SNTG1: variants seen among roughly 807,000 people sequenced by gnomAD.
The protein encoded by SNTG1 is syntrophin gamma 1.
In SNTG1, 39 loss-of-function variants were observed where a neutral mutation model predicts 74.7. The observed-to-expected ratio is 0.52, with a 90% CI of 0.40 to 0.68. The LOEUF (loss-of-function observed/expected upper bound fraction) is 0.68, where lower values mean the gene tolerates loss of function less well. SNTG1 is among the 30% of genes least tolerant of loss of function. The pLI, the probability that SNTG1 is intolerant of heterozygous loss-of-function variation, is 0.00. For synonymous variants in SNTG1, 254 were observed against 217.1 expected (o/e 1.17, Z -1.49); for missense variants, 685 against 609.5 (o/e 1.12, Z -1.30).
At chr8:50,031,137 T>C (rs1427724882) in intron 1 of SNTG1, among the ~76,000 whole-genome samples, 1 of 152,024 alleles carries the variant, frequency 6.6e-6, no homozygotes, top group African/African-American at 2.4e-5. Context: ...TACTAATACA[T>C]ATAAATACAA....
intron 2 of SNTG1, among the ~76,000 whole-genome samples, chr8:50,261,804 C>G (rs2087205873): frequency 6.6e-6 from 1 of 151,826 alleles, no homozygotes; most frequent in Non-Finnish European, 1.5e-5. Context: ...GGAAAGAAAA[C>G]AGAATCACAT....
intron 2 of SNTG1, among the ~76,000 whole-genome samples, chr8:50,379,308 C>T (rs1171151014): frequency 6.6e-6 from 1 of 152,178 alleles, no homozygotes; most frequent in Admixed American, 6.5e-5. Context: ...GTAGGCACTT[C>T]CTAGCCTATG....
chr8:50,372,872 A>T (rs2092299342), intron 2 of SNTG1, among the ~76,000 whole-genome samples: 1 of 152,200 alleles, frequency 6.6e-6, no homozygotes, highest in African/African-American at 2.4e-5. Context: ...GTATACAAAA[A>T]ATAACCTCAC....
At chr8:50,702,479 G>A (rs2095429538) in intron 15 of SNTG1, among the ~76,000 whole-genome samples, 4 of 152,102 alleles carry the variant, frequency 2.6e-5, no homozygotes. Flanking sequence ...AAGAATGCAA[G>A]CAGGAAACAA....
rs146516458 is a variant in SNTG1 at position 50,417,532 on chromosome 8, T to C, written c.162+15188T>C. Reference sequence around the variant, plus strand: ...CTCCTCTAACAGTGGAGATGTTATATAATTGCCTGCAAGTGGCTCACGTAA... The same window carrying C: ...CTCCTCTAACAGTGGAGATGTTATACAATTGCCTGCAAGTGGCTCACGTAA... On this transcript the variant is annotated intron_variant, in intron 4 of 18. Coordinates refer to ENST00000642720, the MANE Select transcript of SNTG1 (RefSeq NM_018967.5). Among the ~76,000 whole-genome samples, 42 of 152,310 alleles carry C rather than the reference T, an allele frequency of 2.8e-4. 1 individual carries two copies. The East Asian group carries it at 4.6e-3, about 17-fold the overall frequency.
At position 50,448,134 on chromosome 8, in the gene SNTG1, G is replaced by A. The variant is rs1050297393; in HGVS notation, c.220-1534G>A. On this transcript the variant is annotated intron_variant, in intron 5 of 18. Transcript: ENST00000642720. ...ACAAGTGGGAGCCATTGTAACCTAC[G>A]CCAGTAACTTCCCCCACAGAGCTGA... 3.9e-5 allele frequency among the ~76,000 whole-genome samples: 6 copies of A among 152,108 alleles called. No homozygotes were observed. In the South Asian group the frequency reaches 6.2e-4, roughly 16 times the overall value.
At chr8:49,984,521 T>C (rs1279167479) in intron 1 of SNTG1, among the ~76,000 whole-genome samples, 1 of 152,190 alleles carries the variant, frequency 6.6e-6, no homozygotes, top group Non-Finnish European at 1.5e-5. Flanking sequence ...GGGTCAAATA[T>C]AAATTATTTC....
At chr8:50,286,291 A>C (rs1157936646) in intron 2 of SNTG1, among the ~76,000 whole-genome samples, 2 of 152,132 alleles carry the variant, frequency 1.3e-5, no homozygotes, top group East Asian at 3.9e-4. Flanking sequence ...ACTGCTTTCT[A>C]CTGCTGTTTG....
intron 2 of SNTG1, among the ~76,000 whole-genome samples, chr8:50,326,025 T>C (rs1036087985): frequency 6.6e-6 from 1 of 152,070 alleles, no homozygotes; most frequent in Non-Finnish European, 1.5e-5. Flanking sequence ...TATGATAAAT[T>C]ACAATAATTA....
intron 9 of SNTG1, among the ~76,000 whole-genome samples, chr8:50,519,928 GA>G (rs199897469): frequency 1.3e-5 from 2 of 151,140 alleles, no homozygotes; most frequent in East Asian, 1.9e-4. Context: ...CACAGAATTT[GA>G]AAAAAAACTA....
intron 2 of SNTG1, among the ~76,000 whole-genome samples, chr8:50,281,877 T>C (rs2088478718): frequency 6.6e-6 from 1 of 152,174 alleles, no homozygotes; most frequent in African/African-American, 2.4e-5. Context: ...TTATGAGATA[T>C]AGCAAATACA....
At chr8:50,407,839 T>C (rs896595675) in intron 4 of SNTG1, among the ~76,000 whole-genome samples, 2 of 152,196 alleles carry the variant, frequency 1.3e-5, no homozygotes, top group Admixed American at 1.3e-4. Flanking sequence ...GAGTGGGTTG[T>C]ACTGACTGGT....
intron 2 of SNTG1, among the ~76,000 whole-genome samples, chr8:50,202,491 C>G (rs2084025398): frequency 6.6e-6 from 1 of 152,126 alleles, no homozygotes; most frequent in Non-Finnish European, 1.5e-5. Context: ...TAGCAATGTA[C>G]AGTGTTTCCT....
intron 13 of SNTG1, among the ~76,000 whole-genome samples, chr8:50,592,562 A>C (rs1052546591): frequency 6.6e-6 from 1 of 152,218 alleles, no homozygotes; most frequent in African/African-American, 2.4e-5. Context: ...AAGTAAAATA[A>C]GTGAGAATTT....
chr8:50,024,445 A>G (rs1216255640), intron 1 of SNTG1, among the ~76,000 whole-genome samples: 4 of 152,152 alleles, frequency 2.6e-5, no homozygotes, highest in Non-Finnish European at 4.4e-5. Context: ...TTATTTTTAA[A>G]CAAATGAAAA....
At chr8:50,116,964 C>T (rs982768582) in intron 1 of SNTG1, among the ~76,000 whole-genome samples, 5 of 152,058 alleles carry the variant, frequency 3.3e-5, no homozygotes, top group African/African-American at 1.2e-4. Context: ...TTACAGAATA[C>T]CAAAGCTTCT....
At chr8:50,227,213 A>G (rs1430376708) in intron 2 of SNTG1, among the ~76,000 whole-genome samples, 1 of 152,154 alleles carries the variant, frequency 6.6e-6, no homozygotes, top group East Asian at 1.9e-4. Context: ...ACAGACCTAT[A>G]GAAAAAATGA....
chr8:50,093,183 T>A (rs2079803339), intron 1 of SNTG1, among the ~76,000 whole-genome samples: 1 of 152,064 alleles, frequency 6.6e-6, no homozygotes, highest in African/African-American at 2.4e-5. Context: ...CTAAAGTAAT[T>A]CTCAAACATT....
chr8:50,074,058 C>T (rs1010936432), intron 1 of SNTG1, among the ~76,000 whole-genome samples: 2 of 151,650 alleles, frequency 1.3e-5, no homozygotes, highest in Non-Finnish European at 2.9e-5. Context: ...CAGTTAGAGA[C>T]TACTCATCTC....
Sources: gnomAD v4.1 joint callset for allele counts (sites outside exome capture counted in the v4.1 genomes callset) on GRCh38, gnomAD v4.1.1 for gene constraint, MANE v1.5 for transcripts, NCBI Gene and HGNC (gene_info 2026-07-23, HGNC 2026-07-21) for gene names.